Variants in MYOF observed in about 807,000 individuals in gnomAD.
MYOF encodes myoferlin.
MYOF carries 244 observed loss-of-function variants against 284.2 expected under a neutral mutation model. The observed-to-expected ratio is 0.86, with a 90% CI of 0.77 to 0.95. The LOEUF is 0.95. MYOF is among the 40% of genes least tolerant of loss of function. The pLI, the probability that MYOF is intolerant of heterozygous loss-of-function variation, is 0.00. For synonymous variants in MYOF, 904 were observed against 919.7 expected (o/e 0.98, Z 0.31); for missense variants, 2,496 against 2,560.6 (o/e 0.97, Z 0.54).
intron 49 of MYOF, 35 bp downstream of exon 49, chr10:93,319,837 A>C (rs1353544823): frequency 6.2e-7 from 1 of 1,613,500 alleles, no homozygotes; most frequent in Non-Finnish European, 8.5e-7. Context: ...AAGATCCATG[A>C]TACCCACTTC....
At chr10:93,471,480 A>G (rs1286718921) in intron 1 of MYOF, among the ~76,000 whole-genome samples, 2 of 152,180 alleles carry the variant, frequency 1.3e-5, no homozygotes, top group Non-Finnish European at 2.9e-5. Context: ...TTCTTCATCC[A>G]TGCTGAGCTC....
intron 22 of MYOF, among the ~76,000 whole-genome samples, chr10:93,375,517 G>T (rs1054505502): frequency 6.6e-6 from 1 of 152,170 alleles, no homozygotes; most frequent in Non-Finnish European, 1.5e-5. Flanking sequence ...CAACAACCTG[G>T]GTACTAATCG....
Position 93,480,241 on chromosome 10 carries a change from C to T in MYOF, c.88+1866G>A, listed in dbSNP as rs1267809105. Among the ~76,000 whole-genome samples the T allele has an allele frequency of 3.3e-5, 5 of 152,110 alleles. No individual in the cohort carries two copies. In the East Asian group the frequency reaches 9.6e-4, roughly 29 times the overall value. The stretch of plus-strand genomic sequence containing the variant: ...ATATTCACTAGCCAGATTTTCAAAC[C>T]TCATTGTCCTTTAAGAGCCCAATTT... On this transcript the variant is annotated intron_variant, in intron 1 of 53. Transcript: ENST00000359263.
intron 1 of MYOF, among the ~76,000 whole-genome samples, chr10:93,481,670 T>C (rs989819387): frequency 6.6e-6 from 1 of 152,184 alleles, no homozygotes. Context: ...AGAAACCCAG[T>C]GACAATCAAA....
chr10:93,479,118 G>A (rs939723150), intron 1 of MYOF, among the ~76,000 whole-genome samples: 7 of 151,224 alleles, frequency 4.6e-5, no homozygotes, highest in African/African-American at 1.2e-4. Context: ...CTTTGATGCC[G>A]CCTTGATCTT....
At chr10:93,382,032 T>A (rs1846145301) in intron 19 of MYOF, among the ~76,000 whole-genome samples, 1 of 151,756 alleles carries the variant, frequency 6.6e-6, no homozygotes. Context: ...CAAGACTCCA[T>A]CTCAAAAAAA....
At chr10:93,379,814 T>G (rs775487323) in intron 21 of MYOF, 49 bp downstream of exon 21, 1 of 1,607,526 alleles carries the variant, frequency 6.2e-7, no homozygotes, top group South Asian at 1.1e-5. Context: ...TCCTAATACC[T>G]AATTCACCCT....
intron 5 of MYOF, 137 bp downstream of exon 5, chr10:93,425,934 G>T: frequency 1.3e-6 from 1 of 782,884 alleles, no homozygotes. Context: ...AGCCCCACCT[G>T]CCTCTCGGGG....
At chr10:93,353,692 A>C (rs1589433334) in intron 32 of MYOF, 119 bp downstream of exon 32, 1 of 777,004 alleles carries the variant, frequency 1.3e-6, no homozygotes, top group East Asian at 2.5e-5. Flanking sequence ...ATGCAAAAAT[A>C]ACCTCAACAT....
At chr10:93,454,716 G>A (rs2056690928) in intron 2 of MYOF, among the ~76,000 whole-genome samples, 1 of 152,096 alleles carries the variant, frequency 6.6e-6, no homozygotes, top group Non-Finnish European at 1.5e-5. Flanking sequence ...AGTGGCTGAC[G>A]CCTGTAAACT....
intron 53 of MYOF, among the ~76,000 whole-genome samples, chr10:93,308,715 C>T (rs1008558646): frequency 6.6e-6 from 1 of 151,736 alleles, no homozygotes; most frequent in Non-Finnish European, 1.5e-5. Flanking sequence ...TGTATGGCTA[C>T]GATACTATTT....
In MYOF at chr10:93,333,767, G is replaced by T. The variant is rs1191475776; in HGVS notation, c.4710C>A (p.Asn1570Lys). The T allele has an allele frequency of 6.2e-7, 1 of 1,614,164 alleles. No individual in the cohort carries two copies. The highest frequency in any genetic ancestry group is 1.1e-5 in the South Asian group (1 of 91,072). Residue 1570 changes from asparagine (N) to lysine (K), a missense_variant, in exon 42 of 54, where the codon AAC becomes AAA. Asn to Lys is a moderately conservative substitution (Grantham distance 94). This residue lies in a region of MYOF where 2,436 missense variants were observed against 2,480.7 expected (regional missense o/e 0.98). Coordinates refer to ENST00000359263, the MANE Select transcript of MYOF (RefSeq NM_013451.4). ...ACACCCAAACTCTTACCAGGCCATT[G>T]TTGTCCTGGGGCTGGAGCTCTAAGC... ...VRGLELQPQD[N>K]NGLCDPYIKI...
intron 21 of MYOF, among the ~76,000 whole-genome samples, chr10:93,378,707 A>ATATATATATATATATATATG (rs1564664838): frequency 1.5e-5 from 2 of 133,438 alleles, no homozygotes; most frequent in African/African-American, 5.7e-5. Context: ...ATATATATAT[A>ATATATATATATATATATATG]TATATATATG....
At chr10:93,326,041 A>G (rs1417791933) in intron 45 of MYOF, 76 bp from the exon 46 acceptor site, 1 of 1,584,980 alleles carries the variant, frequency 6.3e-7, no homozygotes, top group Non-Finnish European at 8.6e-7. Context: ...AGCTGCTTCC[A>G]GCACTTCATC....
At position 93,372,929 on chromosome 10, in the gene MYOF, C is replaced by T; in HGVS notation, c.2457+1G>A. ...TCACATGACACAGTGAAGATATGTA[C>T]CTTCAGAAAGATGGTTTGGGTTTTC... On this transcript the variant is annotated splice_donor_variant, in intron 24 of 53. Coordinates refer to ENST00000359263, the MANE Select transcript of MYOF (RefSeq NM_013451.4). LOFTEE classifies it high-confidence loss of function. The T allele has an allele frequency of 6.2e-7, 1 of 1,614,082 alleles. No homozygotes were observed. Among genetic ancestry groups the T allele is most frequent in the African/African-American group, 1.3e-5 (1 of 75,038 alleles).
intron 19 of MYOF, among the ~76,000 whole-genome samples, chr10:93,382,893 G>A (rs952912142): frequency 3.3e-5 from 5 of 152,024 alleles, no homozygotes; most frequent in African/African-American, 1.2e-4. Context: ...CCCAGAAGTG[G>A]AATTTTTAAT....
rs1433325912 is a variant in MYOF at position 93,424,928 on chromosome 10, C to CTTTTTTT, written c.433+1142_433+1143insAAAAAAA. Reference sequence around the variant, plus strand: ...GACTTCCTCCCAGGAGGGAGAATTCCATTTTTTTTTTTTTTTTTTTTTTTT... The same window carrying CTTTTTTT: ...GACTTCCTCCCAGGAGGGAGAATTCCTTTTTTTATTTTTTTTTTTTTTTTTTTTTTTT... On this transcript the variant is annotated intron_variant, in intron 5 of 53. Coordinates refer to ENST00000359263, the MANE Select transcript of MYOF (RefSeq NM_013451.4). Among the ~76,000 whole-genome samples, 3 of 92,764 alleles carry CTTTTTTT rather than the reference C, an allele frequency of 3.2e-5. No homozygotes were observed. In the East Asian group the frequency reaches 3.9e-3, roughly 120 times the overall value. 60.9% of individuals were successfully genotyped at this position (92,764 alleles called of 152,430 possible).
In MYOF at chr10:93,482,291, C is replaced by CTTCACTGGGAG; in HGVS notation, c.-98_-97insCTCCCAGTGAA. On this transcript the variant is annotated 5_prime_UTR_variant, in exon 1 of 54. Transcript: ENST00000359263. ...CCGCCCTGGGAGAGAAGTTCTCTCC[C>CTTCACTGGGAG]AGTGAAGGGAGGATTTCTCCCAGGG... is the stretch of plus-strand genomic sequence containing the variant. 1 of 1,039,010 alleles carries CTTCACTGGGAG rather than the reference C, an allele frequency of 9.6e-7. No homozygotes were observed. Among genetic ancestry groups the CTTCACTGGGAG allele is most frequent in the Non-Finnish European group, 1.4e-6 (1 of 689,668 alleles). The allele number at this position is 1,039,010 out of a possible 1,614,324, so 64.4% of individuals were successfully genotyped here. A position where few individuals can be genotyped will look rare whatever the true frequency, so the allele number is the denominator to read the frequency against.
At chr10:93,325,331 T>A (rs570463222) in intron 46 of MYOF, among the ~76,000 whole-genome samples, 3 of 152,332 alleles carry the variant, frequency 2.0e-5, no homozygotes, top group Admixed American at 2.0e-4. Flanking sequence ...TCCCTGATAC[T>A]GTAGTCTCAG....
Sources: gnomAD v4.1 joint callset for allele counts (sites outside exome capture counted in the v4.1 genomes callset) on GRCh38, gnomAD v4.1.1 for gene constraint, gnomAD v4.1.1 regional missense constraint, MANE v1.5 for transcripts, NCBI Gene and HGNC (gene_info 2026-07-23, HGNC 2026-07-21) for gene names.